MNAT1: variants seen among roughly 807,000 people sequenced by gnomAD.
The protein encoded by MNAT1 is CDK-activating kinase assembly factor MAT1.
Under a neutral mutation model 42.0 loss-of-function variants are expected in MNAT1, and 43 were observed. That is an observed-to-expected ratio of 1.02 (90% confidence interval 0.80 to 1.32). MNAT1 has a LOEUF of 1.32. MNAT1 is among the 40% of genes most tolerant of loss of function. The pLI, the probability that MNAT1 is intolerant of heterozygous loss-of-function variation, is 0.00. For missense variants in MNAT1, 306 were observed against 350.4 expected (o/e 0.87, Z 1.01); for synonymous variants, 118 against 120.0 (o/e 0.98, Z 0.11).
At chr14:60,966,544 G>A (rs1329016383) in intron 7 of MNAT1, among the ~76,000 whole-genome samples, 5 of 151,564 alleles carry the variant, frequency 3.3e-5, no homozygotes, top group Admixed American at 6.6e-5. Flanking sequence ...ATGGAGTCTC[G>A]CTGTGTCACC....
chr14:60,901,355 T>G (rs533920703), intron 7 of MNAT1, among the ~76,000 whole-genome samples: 13 of 152,338 alleles, frequency 8.5e-5, no homozygotes, highest in Middle Eastern at 3.4e-3. Flanking sequence ...ACCTAAGACT[T>G]CTGATGGATA....
chr14:60,931,231 A>G (rs547238609), intron 7 of MNAT1, among the ~76,000 whole-genome samples: 1 of 152,278 alleles, frequency 6.6e-6, no homozygotes, highest in African/African-American at 2.4e-5. Context: ...TGGCTCTGTG[A>G]TGACTTTCAT....
intron 1 of MNAT1, among the ~76,000 whole-genome samples, chr14:60,764,527 A>G (rs2030735117): frequency 6.6e-6 from 1 of 152,308 alleles, no homozygotes; most frequent in Admixed American, 6.5e-5. Flanking sequence ...TATGAAGAAG[A>G]CATTAAAGCA....
intron 7 of MNAT1, among the ~76,000 whole-genome samples, chr14:60,914,370 C>G (rs536376963): frequency 6.6e-6 from 1 of 152,182 alleles, no homozygotes; most frequent in Admixed American, 6.5e-5. Context: ...GAGATGAACC[C>G]GGTAGCTCAG....
chr14:60,781,793 G>A (rs751424140), intron 1 of MNAT1, among the ~76,000 whole-genome samples: 5 of 151,632 alleles, frequency 3.3e-5, no homozygotes, highest in Non-Finnish European at 7.4e-5. Flanking sequence ...TGAAAGATAG[G>A]GATCTAGTTT....
At chr14:60,864,269 AAATAT>A (rs1258298146) in intron 6 of MNAT1, among the ~76,000 whole-genome samples, 10 of 151,826 alleles carry the variant, frequency 6.6e-5, no homozygotes, top group South Asian at 4.1e-4. Flanking sequence ...AATGTTTAAT[AAATAT>A]AATATATTTT....
intron 7 of MNAT1, among the ~76,000 whole-genome samples, chr14:60,964,494 G>A (rs1385685756): frequency 6.6e-6 from 1 of 152,138 alleles, no homozygotes; most frequent in Non-Finnish European, 1.5e-5. Flanking sequence ...TCTGCTTTCA[G>A]TAAAAATAAG....
chr14:60,934,033 G>A (rs138554834), intron 7 of MNAT1, among the ~76,000 whole-genome samples: 54 of 152,252 alleles, frequency 3.5e-4, no homozygotes, highest in African/African-American at 1.3e-3. Context: ...AAGAGTAAAG[G>A]GAAGCTTTTA....
intron 7 of MNAT1, among the ~76,000 whole-genome samples, chr14:60,915,376 T>C (rs1185427805): frequency 1.3e-5 from 2 of 152,216 alleles, no homozygotes; most frequent in African/African-American, 2.4e-5. Flanking sequence ...CCTATATTCA[T>C]GGTGAATATG....
intron 6 of MNAT1, among the ~76,000 whole-genome samples, chr14:60,843,816 A>G (rs1031294259): frequency 2.6e-5 from 4 of 152,046 alleles, no homozygotes; most frequent in African/African-American, 9.7e-5. Context: ...AGATTTATGA[A>G]TGTTTTTCTT....
At chr14:60,947,966 C>T (rs1156955154) in intron 7 of MNAT1, among the ~76,000 whole-genome samples, 1 of 152,192 alleles carries the variant, frequency 6.6e-6, no homozygotes. Flanking sequence ...CAGTTAAGGC[C>T]TGTAGAGCTG....
At chr14:60,847,370 G>A (rs1404741366) in intron 6 of MNAT1, among the ~76,000 whole-genome samples, 1 of 148,882 alleles carries the variant, frequency 6.7e-6, no homozygotes, top group Non-Finnish European at 1.5e-5. Context: ...CACCACTGCA[G>A]TCTGGCCTGG....
intron 6 of MNAT1, among the ~76,000 whole-genome samples, chr14:60,835,968 C>T (rs1382902661): frequency 6.6e-6 from 1 of 152,094 alleles, no homozygotes. Flanking sequence ...CGTCTTCACA[C>T]TTTGTTTCAT....
intron 1 of MNAT1, chr14:60,753,984 A>T (rs2030217507): frequency 7.2e-6 from 1 of 139,758 alleles, no homozygotes; most frequent in Admixed American, 6.9e-5. Context: ...CATGAAAGAC[A>T]GTTTATGTGT....
chr14:60,803,958 C>T (rs2032289473), intron 3 of MNAT1, among the ~76,000 whole-genome samples: 1 of 152,080 alleles, frequency 6.6e-6, no homozygotes, highest in Non-Finnish European at 1.5e-5. Context: ...AATTCTTGTT[C>T]CTTATGGCTC....
chr14:60,900,951 G>T (rs1374392761), intron 7 of MNAT1, among the ~76,000 whole-genome samples: 1 of 128,286 alleles, frequency 7.8e-6, no homozygotes, highest in African/African-American at 2.9e-5. Flanking sequence ...TCATGTCACT[G>T]TACTCCAGCC....
At chr14:60,772,857 A>G (rs1279483481) in intron 1 of MNAT1, among the ~76,000 whole-genome samples, 2 of 151,698 alleles carry the variant, frequency 1.3e-5, no homozygotes, top group African/African-American at 2.4e-5. Context: ...TGAATAAGCA[A>G]ATGAAGTAAG....
At chr14:60,955,794 A>T (rs755320769) in intron 7 of MNAT1, among the ~76,000 whole-genome samples, 5 of 152,080 alleles carry the variant, frequency 3.3e-5, no homozygotes, top group Non-Finnish European at 5.9e-5. Context: ...TGAGTTCTCC[A>T]ATTTATTGGT....
chr14:60,852,905 A>G (rs1447623540), intron 6 of MNAT1, among the ~76,000 whole-genome samples: 2 of 152,288 alleles, frequency 1.3e-5, no homozygotes, highest in East Asian at 3.9e-4. Flanking sequence ...ATTGGTCTAT[A>G]TATCTGTTTT....
Sources: allele counts gnomAD v4.1 joint callset (sites outside exome capture counted in the v4.1 genomes callset), GRCh38; gene constraint gnomAD v4.1.1; transcripts MANE v1.5; gene names NCBI Gene and HGNC (gene_info 2026-07-23, HGNC 2026-07-21).